The following CTIF variants were observed in gnomAD, a reference collection of about 807,000 sequenced individuals.
The protein encoded by CTIF is CBP80/20-dependent translation initiation factor.
CTIF carries 21 observed loss-of-function variants against 66.0 expected under a neutral mutation model. That is an observed-to-expected ratio of 0.32 (90% CI 0.23 to 0.46). CTIF has a LOEUF of 0.46. Ranked by LOEUF, CTIF falls within the 20% of genes least tolerant of loss-of-function variation. The pLI is 1.00. For missense variants in CTIF, 739 were observed against 812.7 expected (o/e 0.91, Z 1.10); for synonymous variants, 345 against 326.4 (o/e 1.06, Z -0.62).
chr18:48,682,981 C>G (rs1472687495), intron 6 of CTIF: 1 of 152,312 alleles, frequency 6.6e-6, no homozygotes, highest in East Asian at 1.9e-4. Context: ...GCCCTGGGCT[C>G]AGTGTTCCAG....
In CTIF at chr18:48,630,660, C is replaced by CTT. The variant is rs373006892; in HGVS notation, c.181-5940_181-5939dup. ...GGTTCAACAGCTTTTTTGTCTCTAG[C>CTT]TTTTTTTTTTTTTTTAATTAATTTA... On this transcript the variant is annotated intron_variant, in intron 2 of 11. Coordinates refer to ENST00000256413, the MANE Select transcript of CTIF (RefSeq NM_014772.3). 2.6e-3 allele frequency among the ~76,000 whole-genome samples: 365 copies of CTT among 142,040 alleles called. 2 individuals are homozygous for CTT. Among genetic ancestry groups the CTT allele is most frequent in the African/African-American group, 8.8e-3 (340 of 38,830 alleles). The allele number at this position is 142,040 out of a possible 152,430, so 93.2% of individuals were successfully genotyped here.
At position 48,855,142 on chromosome 18, in the gene CTIF, GTGC is replaced by G. The variant is rs985068083; in HGVS notation, c.1528-2441_1528-2439del. 2.8e-4 allele frequency among the ~76,000 whole-genome samples: 42 copies of G among 152,278 alleles called. No individual in the cohort carries two copies. In the South Asian group the frequency reaches 2.9e-3, roughly 11 times the overall value. On this transcript the variant is annotated intron_variant, in intron 10 of 11. Transcript: ENST00000256413. ...TTGTCTCTTTTGTTTTGGTAGATCT[GTGC>G]TGCTTTCGAAGTGCCACCTCGGCAT...
At chr18:48,636,039 C>T (rs299716) in intron 2 of CTIF, among the ~76,000 whole-genome samples, 17,557 of 152,204 alleles carry the variant, frequency 0.12, 1,121 homozygotes, top group African/African-American at 0.15. Context: ...TGGGGACTCT[C>T]GTGCAGATGG....
At chr18:48,558,161 A>G (rs1243061649) in intron 1 of CTIF, among the ~76,000 whole-genome samples, 1 of 152,202 alleles carries the variant, frequency 6.6e-6, no homozygotes, top group African/African-American at 2.4e-5. Flanking sequence ...CCACTGGTAG[A>G]ACACACAATG....
chr18:48,754,374 G>A (rs537500614), intron 7 of CTIF, among the ~76,000 whole-genome samples: 5 of 152,266 alleles, frequency 3.3e-5, no homozygotes, highest in South Asian at 4.1e-4. Flanking sequence ...ACGGAGCCTC[G>A]GTTGTCTTAT....
At chr18:48,826,872 C>T (rs1416717441) in intron 10 of CTIF, 1 of 152,218 alleles carries the variant, frequency 6.6e-6, no homozygotes, top group Non-Finnish European at 1.5e-5. Flanking sequence ...GCCATGAACA[C>T]TTATGATGGA....
At chr18:48,788,088 G>A (rs1454569574) in intron 9 of CTIF, among the ~76,000 whole-genome samples, 1 of 152,174 alleles carries the variant, frequency 6.6e-6, no homozygotes, top group African/African-American at 2.4e-5. Context: ...CCCCCTTTCA[G>A]AGTCTCCCAG....
chr18:48,569,737 C>A (rs1413099136), intron 1 of CTIF, among the ~76,000 whole-genome samples: 3 of 149,308 alleles, frequency 2.0e-5, no homozygotes, highest in Non-Finnish European at 4.4e-5. Context: ...GCAGCCGAGG[C>A]ACTTCAACTT....
At chr18:48,617,613 G>A (rs1296206621) in intron 1 of CTIF, among the ~76,000 whole-genome samples, 2 of 152,150 alleles carry the variant, frequency 1.3e-5, no homozygotes, top group African/African-American at 4.8e-5. Flanking sequence ...GGAGGTATAA[G>A]GTCCTGTAGG....
chr18:48,555,377 T>C (rs2088993185), intron 1 of CTIF, among the ~76,000 whole-genome samples: 1 of 152,186 alleles, frequency 6.6e-6, no homozygotes, highest in Admixed American at 6.5e-5. Flanking sequence ...TGAGTCCCCT[T>C]TGAGTGGCCC....
chr18:48,593,786 A>G (rs1242923366), intron 1 of CTIF, among the ~76,000 whole-genome samples: 1 of 151,582 alleles, frequency 6.6e-6, no homozygotes, highest in Admixed American at 6.6e-5. Flanking sequence ...TTATAGATAT[A>G]GGAATGAGGC....
At chr18:48,797,493 G>A (rs1355360826) in intron 9 of CTIF, among the ~76,000 whole-genome samples, 1 of 110,332 alleles carries the variant, frequency 9.1e-6, no homozygotes, top group African/African-American at 3.3e-5. Context: ...AAAAAGAAAA[G>A]GGGTGGGGGG....
chr18:48,653,106 G>A (rs8089967), intron 3 of CTIF, among the ~76,000 whole-genome samples: 91,824 of 152,018 alleles, frequency 0.6, 29,797 homozygotes, highest in East Asian at 0.84. Flanking sequence ...CCTATTCAAC[G>A]TAGTATTGGA....
At chr18:48,549,684 G>A (rs1226381160) in intron 1 of CTIF, among the ~76,000 whole-genome samples, 1 of 152,216 alleles carries the variant, frequency 6.6e-6, no homozygotes, top group African/African-American at 2.4e-5. Context: ...GTCAGGAAGG[G>A]AAGCCTTTCC....
intron 7 of CTIF, among the ~76,000 whole-genome samples, chr18:48,721,070 G>A (rs2092330432): frequency 6.6e-6 from 1 of 152,202 alleles, no homozygotes; most frequent in Non-Finnish European, 1.5e-5. Flanking sequence ...CAGGCAGTGG[G>A]CATCCCCTAG....
intron 10 of CTIF, among the ~76,000 whole-genome samples, chr18:48,839,485 C>T (rs142059586): frequency 3.3e-5 from 5 of 152,220 alleles, no homozygotes; most frequent in Non-Finnish European, 7.3e-5. Flanking sequence ...AGATACTATC[C>T]TAAACACCCC....
At chr18:48,755,462 G>A (rs1410605161) in intron 7 of CTIF, among the ~76,000 whole-genome samples, 3 of 152,224 alleles carry the variant, frequency 2.0e-5, no homozygotes, top group African/African-American at 7.2e-5. Flanking sequence ...AAGGCCAGTT[G>A]GTGGTAGAAT....
chr18:48,540,697 C>A (rs973317818), intron 1 of CTIF, among the ~76,000 whole-genome samples: 1 of 152,078 alleles, frequency 6.6e-6, no homozygotes, highest in Non-Finnish European at 1.5e-5. Context: ...CCTCCCCCGC[C>A]CGGCTGTTTG....
chr18:48,624,362 C>A (rs2090555193), intron 2 of CTIF, among the ~76,000 whole-genome samples: 1 of 152,144 alleles, frequency 6.6e-6, no homozygotes, highest in Non-Finnish European at 1.5e-5. Context: ...GGCTCTGGAG[C>A]CCCATCCCCA....
Sources: gnomAD v4.1 joint callset for allele counts (sites outside exome capture counted in the v4.1 genomes callset) on GRCh38, gnomAD v4.1.1 for gene constraint, MANE v1.5 for transcripts, NCBI Gene and HGNC (gene_info 2026-07-23, HGNC 2026-07-21) for gene names.